SEC14L2: variants seen among roughly 807,000 people sequenced by gnomAD.
SEC14L2 encodes SEC14 like lipid binding 2, also known as SEC14-like protein 2.
In SEC14L2, 50 loss-of-function variants were observed where a neutral mutation model predicts 56.9. That is an observed-to-expected ratio of 0.88 (90% CI 0.70 to 1.11). SEC14L2 has a LOEUF of 1.11. Among genes scored for constraint, SEC14L2 ranks in the 50% most tolerant of loss-of-function variants. The probability of loss-of-function intolerance (pLI) is 0.00; values close to 1 mark genes in which losing one functional copy is unlikely to be tolerated. For synonymous variants in SEC14L2, 179 were observed against 188.5 expected (o/e 0.95, Z 0.41); for missense variants, 414 against 500.7 (o/e 0.83, Z 1.65).
rs375215234 is a variant in SEC14L2, at chr22:30,421,098, T to A, written c.1082-1179T>A. ...AATTGAAACAATACAGAGATTAGCATGGCCCCTGCGCGAGGATGACAATCA... is the reference window on the plus strand; with the variant it reads ...AATTGAAACAATACAGAGATTAGCAAGGCCCCTGCGCGAGGATGACAATCA... On this transcript the variant is annotated intron_variant, in intron 11 of 11. Transcript: ENST00000615189. The A allele has an allele frequency of 2.6e-5, 4 of 152,278 alleles. No individual in the cohort carries two copies. The East Asian group carries it at 5.8e-4, about 22-fold the overall frequency. The allele number at this position is 152,278 out of a possible 1,614,324, so 9.4% of individuals were successfully genotyped here. A position where few individuals can be genotyped will look rare whatever the true frequency, so the allele number is the denominator to read the frequency against.
At chr22:30,410,907 C>G (rs771498085) in intron 8 of SEC14L2, among the ~76,000 whole-genome samples, 8 of 152,154 alleles carry the variant, frequency 5.3e-5, no homozygotes, top group Non-Finnish European at 1.2e-4. Flanking sequence ...ATTGTAGATT[C>G]AAAGATGAAT....
At chr22:30,397,460 C>CA (rs1000235419) in intron 1 of SEC14L2, 2 of 445,936 alleles carry the variant, frequency 4.5e-6, no homozygotes, top group Non-Finnish European at 7.9e-6. Flanking sequence ...GCTGAGGGCA[C>CA]AAAGGCAACA....
At chr22:30,398,844 C>G (rs1356842862) in intron 1 of SEC14L2, 1 of 465,864 alleles carries the variant, frequency 2.1e-6, no homozygotes, top group South Asian at 1.6e-5. Flanking sequence ...CTGCTAATGA[C>G]TAGCTGTTTG....
intron 8 of SEC14L2, among the ~76,000 whole-genome samples, chr22:30,414,770 A>G (rs966050168): frequency 6.6e-6 from 1 of 152,172 alleles, no homozygotes; most frequent in African/African-American, 2.4e-5. Flanking sequence ...ATTTTAAAAA[A>G]AAAAAAAAAG....
chr22:30,397,733 C>G, intron 1 of SEC14L2: 4 of 405,890 alleles, frequency 9.9e-6, no homozygotes, highest in South Asian at 7.2e-5. Flanking sequence ...GGAACACCTC[C>G]GTGTGTGAAT....
chr22:30,399,604 G>T (rs747294338), intron 1 of SEC14L2, 39 bp from the exon 2 acceptor site: 2 of 1,555,202 alleles, frequency 1.3e-6, no homozygotes, highest in Non-Finnish European at 1.8e-6. Flanking sequence ...CAGCAGTCAG[G>T]GCGGGCCCTA....
rs1397212643 is a variant in SEC14L2, at chr22:30,422,482, G to A, written c.*75G>A. The A allele has an allele frequency of 1.8e-5, 28 of 1,578,042 alleles. No individual in the cohort carries two copies. The South Asian group carries it at 2.6e-4, about 15-fold the overall frequency. ...TCTACCCCTTGTAGCAGTCATTTTC[G>A]CACAACCCTGAAGCCCAAAGAAACT... On this transcript the variant is annotated 3_prime_UTR_variant, in exon 12 of 12. Coordinates refer to ENST00000615189, the MANE Select transcript of SEC14L2 (RefSeq NM_012429.5).
intron 11 of SEC14L2, among the ~76,000 whole-genome samples, chr22:30,418,996 A>G (rs773888185): frequency 1.3e-5 from 2 of 152,266 alleles, no homozygotes; most frequent in African/African-American, 4.8e-5. Flanking sequence ...TTCTCACCTA[A>G]TATTTACCAA....
At chr22:30,414,244 G>A (rs1205590454) in intron 8 of SEC14L2, among the ~76,000 whole-genome samples, 5 of 152,346 alleles carry the variant, frequency 3.3e-5, no homozygotes, top group African/African-American at 1.2e-4. Context: ...AGCTGAGCAA[G>A]AGGTTTTTAT....
At chr22:30,397,221 C>A in intron 1 of SEC14L2, 51 bp downstream of exon 1, 1 of 1,439,884 alleles carries the variant, frequency 6.9e-7, no homozygotes, top group South Asian at 1.4e-5. Flanking sequence ...GGCCCTCGCC[C>A]TCCTGCGGCA....
chr22:30,401,685 T>A (rs1293674434), intron 2 of SEC14L2, among the ~76,000 whole-genome samples: 2 of 150,576 alleles, frequency 1.3e-5, no homozygotes, highest in Admixed American at 6.6e-5. Context: ...GGCTAATTTT[T>A]TTTTTTTTTG....
chr22:30,417,465 G>A (rs1453905115), intron 11 of SEC14L2, among the ~76,000 whole-genome samples: 1 of 152,208 alleles, frequency 6.6e-6, no homozygotes, highest in Non-Finnish European at 1.5e-5. Context: ...TCAGAGCAAA[G>A]GCTTTATCAT....
chr22:30,413,238 G>A (rs1934300629), intron 8 of SEC14L2, among the ~76,000 whole-genome samples: 1 of 152,198 alleles, frequency 6.6e-6, no homozygotes, highest in African/African-American at 2.4e-5. Flanking sequence ...ACTGAGAAGT[G>A]ATTAATGAGG....
At chr22:30,397,653 G>A in intron 1 of SEC14L2, 1 of 329,360 alleles carries the variant, frequency 3.0e-6, no homozygotes, top group Non-Finnish European at 6.0e-6. Context: ...GCGACCTTGG[G>A]CAAAACCCTG....
intron 1 of SEC14L2, 56 bp from the exon 2 acceptor site, chr22:30,399,587 C>A: frequency 3.0e-6 from 4 of 1,318,222 alleles, no homozygotes; most frequent in Non-Finnish European, 2.1e-6. Context: ...GAGTCCTAGG[C>A]AGAGGGCAGC....
At chr22:30,417,728 TG>T (rs1322331819) in intron 11 of SEC14L2, among the ~76,000 whole-genome samples, 1 of 152,104 alleles carries the variant, frequency 6.6e-6, no homozygotes. Context: ...TGCCGGGAGA[TG>T]GGAGAAGCCC....
chr22:30,406,439 C>A, intron 3 of SEC14L2, 54 bp downstream of exon 3: 6 of 1,578,970 alleles, frequency 3.8e-6, no homozygotes, highest in South Asian at 3.3e-5. Flanking sequence ...TCACTCCTTG[C>A]GTGGACTTCT....
At chr22:30,399,418 G>A (rs1933855195) in intron 1 of SEC14L2, among the ~76,000 whole-genome samples, 1 of 150,070 alleles carries the variant, frequency 6.7e-6, no homozygotes, top group South Asian at 2.1e-4. Flanking sequence ...GGGAGGCTGA[G>A]TCAGGAGAAT....
rs1283912637 is a variant in SEC14L2, at chr22:30,407,595, A to G, written c.415A>G (p.Thr139Ala). The part of the protein sequence containing the change: ...ELLLQECAHQ[T>A]TKLGRKVETI... Reference sequence around the variant, plus strand: ...GCTTCTGCAAGAGTGTGCCCACCAGACCACAAAGGTGAGTGGACCACCATG... The same window carrying G: ...GCTTCTGCAAGAGTGTGCCCACCAGGCCACAAAGGTGAGTGGACCACCATG... The change falls in exon 5 of 12, where the codon ACC becomes GCC. Residue 139 changes from threonine (T) to alanine (A), a missense_variant. Coordinates refer to ENST00000615189, the MANE Select transcript of SEC14L2 (RefSeq NM_012429.5). 6.2e-7 allele frequency: 1 copy of G among 1,613,056 alleles called. No homozygotes were observed. The highest frequency in any genetic ancestry group is 8.5e-7 in the Non-Finnish European group (1 of 1,179,436).
Sources: allele counts gnomAD v4.1 joint callset (sites outside exome capture counted in the v4.1 genomes callset), GRCh38; gene constraint gnomAD v4.1.1; transcripts MANE v1.5; gene names NCBI Gene and HGNC (gene_info 2026-07-23, HGNC 2026-07-21).